The following GRXCR2 variants were observed in gnomAD, a reference collection of about 807,000 sequenced individuals.
GRXCR2 encodes glutaredoxin domain-containing cysteine-rich protein 2.
A neutral mutation model predicts 24.8 loss-of-function variants in GRXCR2; 23 were observed. The observed-to-expected ratio is 0.93, with a 90% confidence interval of 0.67 to 1.32. The LOEUF is 1.32. Among genes scored for constraint, GRXCR2 ranks in the 40% most tolerant of loss-of-function variants. The probability of loss-of-function intolerance (pLI) is 0.00; values close to 1 mark genes in which losing one functional copy is unlikely to be tolerated. For synonymous variants in GRXCR2, 130 were observed against 116.1 expected, an observed-to-expected ratio of 1.12 and a Z score of -0.77; for missense variants, 315 against 303.4, an observed-to-expected ratio of 1.04 and a Z score of -0.28.
intron 2 of GRXCR2, among the ~76,000 whole-genome samples, chr5:145,918,977 T>C (rs934772306): frequency 2.6e-5 from 4 of 152,182 alleles, no homozygotes; most frequent in Non-Finnish European, 5.9e-5. Flanking sequence ...TTTTGTCCAC[T>C]TGGACTCTGA....
chr5:145,930,516 G>A (rs961019668), intron 2 of GRXCR2, among the ~76,000 whole-genome samples: 2 of 152,016 alleles, frequency 1.3e-5, no homozygotes, highest in Admixed American at 1.3e-4. Flanking sequence ...AATGAAACTG[G>A]TTTCCCATTT....
intron 2 of GRXCR2, among the ~76,000 whole-genome samples, chr5:145,878,604 C>T (rs1175637028): frequency 6.6e-6 from 1 of 152,018 alleles, no homozygotes; most frequent in Non-Finnish European, 1.5e-5. Context: ...GAGAATAGAA[C>T]CAAGTTGGAA....
chr5:145,914,184 A>G (rs1371328625), intron 2 of GRXCR2, among the ~76,000 whole-genome samples: 1 of 152,122 alleles, frequency 6.6e-6, no homozygotes, highest in African/African-American at 2.4e-5. Flanking sequence ...TGGGGCTTCC[A>G]GTATAATTTA....
At chr5:145,889,243 A>T (rs144290924) in intron 2 of GRXCR2, among the ~76,000 whole-genome samples, 2,259 of 147,654 alleles carry the variant, frequency 0.015, 41 homozygotes, top group African/African-American at 0.027. Flanking sequence ...AAAGAAAGAA[A>T]GAATTATGCA....
intron 2 of GRXCR2, among the ~76,000 whole-genome samples, chr5:145,929,440 C>T (rs529338165): frequency 1.1e-3 from 173 of 151,888 alleles, no homozygotes; most frequent in African/African-American, 4.0e-3. Flanking sequence ...GAAATAATTA[C>T]AGACTCATAA....
intron 2 of GRXCR2, among the ~76,000 whole-genome samples, chr5:145,882,149 C>T (rs1194240427): frequency 3.3e-5 from 5 of 152,144 alleles, no homozygotes; most frequent in African/African-American, 4.8e-5. Flanking sequence ...GCAATGACAA[C>T]GAAAGCCAAA....
At chr5:145,914,835 C>T (rs1390322367) in intron 2 of GRXCR2, among the ~76,000 whole-genome samples, 2 of 152,130 alleles carry the variant, frequency 1.3e-5, no homozygotes, top group Non-Finnish European at 2.9e-5. Flanking sequence ...GAATTATGTC[C>T]TTGGGCATCT....
intron 2 of GRXCR2, among the ~76,000 whole-genome samples, chr5:145,863,509 T>G (rs1312743067): frequency 6.6e-6 from 1 of 152,262 alleles, no homozygotes; most frequent in Non-Finnish European, 1.5e-5. Context: ...CAGTATGACC[T>G]GCCTTTTATC....
At chr5:145,915,025 C>T (rs1757217821) in intron 2 of GRXCR2, among the ~76,000 whole-genome samples, 1 of 152,192 alleles carries the variant, frequency 6.6e-6, no homozygotes, top group Non-Finnish European at 1.5e-5. Flanking sequence ...TCCAGGCATC[C>T]TCAAGTGGAA....
chr5:145,928,640 A>T (rs557737852), intron 2 of GRXCR2, among the ~76,000 whole-genome samples: 2 of 151,940 alleles, frequency 1.3e-5, no homozygotes, highest in South Asian at 2.1e-4. Flanking sequence ...TTCTTAGCAA[A>T]CTATCGCAAG....
chr5:145,908,341 C>G (rs1010993208), intron 2 of GRXCR2, among the ~76,000 whole-genome samples: 3 of 148,882 alleles, frequency 2.0e-5, no homozygotes, highest in Non-Finnish European at 4.4e-5. Flanking sequence ...CCTATGAAGC[C>G]TCAAGAAAAT....
chr5:145,893,294 A>C (rs1756898295), intron 2 of GRXCR2, among the ~76,000 whole-genome samples: 1 of 152,328 alleles, frequency 6.6e-6, no homozygotes, highest in African/African-American at 2.4e-5. Context: ...ATTAATCTTA[A>C]ATGTAAATGG....
At chr5:145,931,380 A>G (rs1036117518) in intron 2 of GRXCR2, among the ~76,000 whole-genome samples, 1 of 152,166 alleles carries the variant, frequency 6.6e-6, no homozygotes. Flanking sequence ...TATTAAATTT[A>G]AGAACAATAA....
Position 145,872,614 on chromosome 5 carries a change from T to G in GRXCR2, c.336+19A>C, listed in dbSNP as rs1245115986. ...GGAAGCCCTACCCTTAAAGCCTATA[T>G]GCCATGCACAATACCAACCTTATGG... On this transcript the variant is annotated intron_variant, in intron 1 of 2. Transcript: ENST00000377976. 3.2e-6 allele frequency: 5 copies of G among 1,556,730 alleles called. No homozygotes were observed. The South Asian group carries it at 6.2e-5, about 19-fold the overall frequency.
At chr5:145,883,172 T>TA (rs901629309) in intron 2 of GRXCR2, among the ~76,000 whole-genome samples, 3 of 150,660 alleles carry the variant, frequency 2.0e-5, no homozygotes, top group East Asian at 1.9e-4. Flanking sequence ...AAAGTATAAT[T>TA]AAAAAAAAGA....
At chr5:145,870,691 T>C (rs1264243804) in intron 1 of GRXCR2, among the ~76,000 whole-genome samples, 1 of 152,218 alleles carries the variant, frequency 6.6e-6, no homozygotes, top group African/African-American at 2.4e-5. Context: ...GCTCTCATTT[T>C]CTTCTTTTTC....
intron 2 of GRXCR2, among the ~76,000 whole-genome samples, chr5:145,864,540 G>A (rs543465352): frequency 2.0e-4 from 31 of 152,210 alleles, no homozygotes; most frequent in South Asian, 1.2e-3. Flanking sequence ...GGATCATGGG[G>A]GCAGTTTCCC....
intron 2 of GRXCR2, among the ~76,000 whole-genome samples, chr5:145,915,268 A>G (rs1038078521): frequency 6.6e-6 from 1 of 152,118 alleles, no homozygotes; most frequent in Non-Finnish European, 1.5e-5. Context: ...CAGGTAGAGA[A>G]TGGTTATTTT....
chr5:145,877,518 A>C (rs1049396474), upstream of GRXCR2, among the ~76,000 whole-genome samples: 13 of 152,238 alleles, frequency 8.5e-5, no homozygotes, highest in Non-Finnish European at 1.2e-4. Flanking sequence ...ATACAAATTA[A>C]GTAGGAAAAG....
Sources: gnomAD v4.1 joint callset for allele counts (sites outside exome capture counted in the v4.1 genomes callset) on GRCh38, gnomAD v4.1.1 for gene constraint, MANE v1.5 for transcripts, NCBI Gene and HGNC (gene_info 2026-07-23, HGNC 2026-07-21) for gene names.